The following AK5 variants were observed in gnomAD, a reference collection of about 807,000 sequenced individuals.
AK5 encodes the protein adenylate kinase 5.
A neutral mutation model predicts 69.5 loss-of-function variants in AK5; 27 were observed. The ratio of observed to expected loss-of-function variants is 0.39; its 90% confidence interval spans 0.29 to 0.54. The LOEUF is 0.54. Among genes scored for constraint, AK5 ranks in the 20% least tolerant of loss-of-function variants. The pLI is 0.71. For synonymous variants in AK5, 260 were observed against 244.4 expected (o/e 1.06, Z -0.60); for missense variants, 531 against 700.4 (o/e 0.76, Z 2.73).
chr1:77,495,393 A>G (rs897880664), intron 10 of AK5, among the ~76,000 whole-genome samples: 1 of 152,232 alleles, frequency 6.6e-6, no homozygotes, highest in Admixed American at 6.5e-5. Flanking sequence ...CTTTGCGCCT[A>G]TGTATCTAGC....
chr1:77,297,511 G>A, intron 3 of AK5, 48 bp from the exon 4 acceptor site: 1 of 1,514,000 alleles, frequency 6.6e-7, no homozygotes, highest in Non-Finnish European at 8.9e-7. Flanking sequence ...TAAAAGGGAG[G>A]TCCTTATTGT....
chr1:77,513,236 A>AG (rs1267693199), intron 10 of AK5, among the ~76,000 whole-genome samples: 2 of 152,094 alleles, frequency 1.3e-5, no homozygotes, highest in Admixed American at 1.3e-4. Flanking sequence ...GTGCTGGCAA[A>AG]GGTGATTAAT....
chr1:77,395,085 A>G (rs1388138249), intron 6 of AK5, among the ~76,000 whole-genome samples: 2 of 152,064 alleles, frequency 1.3e-5, no homozygotes, highest in Admixed American at 1.3e-4. Context: ...CAAACATGAT[A>G]TTGATCTCCT....
At chr1:77,371,038 A>T (rs1009623483) in intron 6 of AK5, among the ~76,000 whole-genome samples, 4 of 151,944 alleles carry the variant, frequency 2.6e-5, no homozygotes, top group Non-Finnish European at 5.9e-5. Flanking sequence ...ATTACCTATG[A>T]CTCCATCCCA....
intron 5 of AK5, among the ~76,000 whole-genome samples, chr1:77,324,719 C>A (rs1194685965): frequency 6.6e-6 from 1 of 151,870 alleles, no homozygotes; most frequent in African/African-American, 2.4e-5. Flanking sequence ...AAACCTCTAC[C>A]CTCCTCCTGG....
intron 6 of AK5, among the ~76,000 whole-genome samples, chr1:77,355,602 C>T (rs1260570243): frequency 2.0e-5 from 3 of 152,232 alleles, no homozygotes; most frequent in East Asian, 1.9e-4. Context: ...GATGCCCCCA[C>T]TCTGAGGTCC....
chr1:77,370,771 C>A (rs1248765248), intron 6 of AK5, among the ~76,000 whole-genome samples: 2 of 152,126 alleles, frequency 1.3e-5, no homozygotes, highest in African/African-American at 4.8e-5. Flanking sequence ...TCCAGCTGGG[C>A]AAACCTGCCA....
At chr1:77,357,158 A>T (rs1419811733) in intron 6 of AK5, among the ~76,000 whole-genome samples, 1 of 152,120 alleles carries the variant, frequency 6.6e-6, no homozygotes, top group South Asian at 2.1e-4. Flanking sequence ...CTCAATTTTT[A>T]TTATATTCAA....
At chr1:77,535,601 C>T (rs1034661688) in intron 12 of AK5, among the ~76,000 whole-genome samples, 1 of 152,116 alleles carries the variant, frequency 6.6e-6, no homozygotes, top group African/African-American at 2.4e-5. Flanking sequence ...GTGGCATATA[C>T]TCGTCTGCAT....
intron 6 of AK5, among the ~76,000 whole-genome samples, chr1:77,365,018 C>T (rs1646926707): frequency 6.6e-6 from 1 of 152,136 alleles, no homozygotes; most frequent in Non-Finnish European, 1.5e-5. Context: ...GTTTTTGCAC[C>T]TTCACCAACA....
At chr1:77,442,262 C>T (rs1234181782) in intron 8 of AK5, among the ~76,000 whole-genome samples, 2 of 152,130 alleles carry the variant, frequency 1.3e-5, no homozygotes, top group African/African-American at 4.8e-5. Flanking sequence ...TACTCGCACC[C>T]AGAGCAAGAT....
chr1:77,439,179 G>T (rs1394666703), intron 8 of AK5, among the ~76,000 whole-genome samples: 1 of 152,144 alleles, frequency 6.6e-6, no homozygotes, highest in Non-Finnish European at 1.5e-5. Context: ...ATTTATTTGG[G>T]AATGTACATT....
chr1:77,521,956 T>TA lies in AK5; in HGVS notation c.1428+14dup. Reference sequence around the variant, plus strand: ...GTTCGGACGCAGGGTGAGTGGTTGTTACGGGCATCCTTCCAGAAGAAAAAT... The same window carrying TA: ...GTTCGGACGCAGGGTGAGTGGTTGTTAACGGGCATCCTTCCAGAAGAAAAAT... On this transcript the variant is annotated intron_variant, in intron 12 of 13. Transcript: ENST00000354567. 1.3e-6 allele frequency: 2 copies of TA among 1,568,540 alleles called. No individual in the cohort carries two copies. The highest frequency in any genetic ancestry group is 1.7e-6 in the Non-Finnish European group (2 of 1,156,770).
At chr1:77,520,837 C>T (rs750323001) in intron 11 of AK5, among the ~76,000 whole-genome samples, 4 of 152,166 alleles carry the variant, frequency 2.6e-5, no homozygotes, top group Admixed American at 6.5e-5. Context: ...TCACGATTAT[C>T]TAGGGATAGA....
At chr1:77,503,874 C>T (rs915987347) in intron 10 of AK5, among the ~76,000 whole-genome samples, 1 of 150,334 alleles carries the variant, frequency 6.7e-6, no homozygotes. Flanking sequence ...CACTGTACTC[C>T]AGCCTGGGTG....
chr1:77,477,295 T>C (rs1013427347), intron 8 of AK5, among the ~76,000 whole-genome samples: 3 of 152,224 alleles, frequency 2.0e-5, no homozygotes, highest in African/African-American at 7.2e-5. Context: ...TCCAAAGTGC[T>C]GGGATTATAG....
At chr1:77,367,574 T>TGTA in intron 6 of AK5, among the ~76,000 whole-genome samples, 1 of 10,860 alleles carries the variant, frequency 9.2e-5, no homozygotes, top group African/African-American at 2.3e-4. Flanking sequence ...TATATATATA[T>TGTA]ATATAATATA....
chr1:77,378,065 C>T lies in AK5; in HGVS notation c.892-32916C>T, dbSNP rs564361583. 3.9e-5 allele frequency among the ~76,000 whole-genome samples: 6 copies of T among 152,202 alleles called. No individual in the cohort carries two copies. In the South Asian group the frequency reaches 6.2e-4, roughly 16 times the overall value. ...AATTTCTTATATGCATCTCTAACATCGGGTATATGTCATCATAAAAGCCAC... is the reference window on the plus strand; with the variant it reads ...AATTTCTTATATGCATCTCTAACATTGGGTATATGTCATCATAAAAGCCAC... On this transcript the variant is annotated intron_variant, in intron 6 of 13. Transcript: ENST00000354567.
intron 8 of AK5, among the ~76,000 whole-genome samples, chr1:77,460,206 TG>T (rs1330665585): frequency 3.7e-4 from 56 of 152,212 alleles, no homozygotes; most frequent in African/African-American, 1.3e-3. Context: ...CCTCACAGAA[TG>T]GGTCACCATA....
Sources: allele counts gnomAD v4.1 joint callset (sites outside exome capture counted in the v4.1 genomes callset), GRCh38; gene constraint gnomAD v4.1.1; transcripts MANE v1.5; gene names NCBI Gene and HGNC (gene_info 2026-07-23, HGNC 2026-07-21).